GRIN2B: variants seen among roughly 807,000 people sequenced by gnomAD.
The protein encoded by GRIN2B is glutamate ionotropic receptor NMDA type subunit 2B.
A neutral mutation model predicts 114.5 loss-of-function variants in GRIN2B; 5 were observed. The ratio of observed to expected loss-of-function variants is 0.04; its 90% CI spans 0.02 to 0.09. The LOEUF (loss-of-function observed/expected upper bound fraction) is 0.09. Ranked by LOEUF, GRIN2B falls within the 10% of genes least tolerant of loss-of-function variation. GRIN2B has a pLI of 1.00. For missense variants in GRIN2B, 1,108 were observed against 1,943.5 expected, an observed-to-expected ratio of 0.57 and a Z score of 8.08; for synonymous variants, 787 against 745.1, an observed-to-expected ratio of 1.06 and a Z score of -0.92.
At chr12:13,953,570 C>T (rs1400993686) in intron 2 of GRIN2B, among the ~76,000 whole-genome samples, 1 of 152,150 alleles carries the variant, frequency 6.6e-6, no homozygotes, top group Admixed American at 6.5e-5. Context: ...TAGGATTTAC[C>T]AATGGAGATA....
chr12:13,816,832 C>CG (rs1864832148), intron 3 of GRIN2B, among the ~76,000 whole-genome samples: 1 of 152,078 alleles, frequency 6.6e-6, no homozygotes, highest in South Asian at 2.1e-4. Flanking sequence ...TATTGGGGAA[C>CG]GGGCTGGTAA....
chr12:13,795,390 T>C (rs897173197), intron 3 of GRIN2B, among the ~76,000 whole-genome samples: 1 of 152,044 alleles, frequency 6.6e-6, no homozygotes, highest in Non-Finnish European at 1.5e-5. Flanking sequence ...AAAAAAACGT[T>C]TTACAATTGG....
intron 4 of GRIN2B, among the ~76,000 whole-genome samples, chr12:13,684,563 A>G (rs1294476166): frequency 1.3e-5 from 2 of 152,184 alleles, no homozygotes; most frequent in Non-Finnish European, 2.9e-5. Flanking sequence ...CTTATTAGAC[A>G]ATGCTAGAAA....
intron 5 of GRIN2B, among the ~76,000 whole-genome samples, chr12:13,623,415 A>C (rs1949537029): frequency 6.6e-6 from 1 of 152,202 alleles, no homozygotes; most frequent in Non-Finnish European, 1.5e-5. Context: ...TCCTATCAGC[A>C]AAGCACAAGA....
chr12:13,974,969 G>C (rs1472054462), intron 2 of GRIN2B, among the ~76,000 whole-genome samples: 1 of 152,228 alleles, frequency 6.6e-6, no homozygotes, highest in African/African-American at 2.4e-5. Flanking sequence ...AATCAGTTAT[G>C]AGAAGCATCA....
intron 3 of GRIN2B, among the ~76,000 whole-genome samples, chr12:13,815,470 ATTT>A (rs777349539): frequency 2.6e-4 from 39 of 152,148 alleles, no homozygotes; most frequent in Non-Finnish European, 5.7e-4. Flanking sequence ...GCAGAAAATG[ATTT>A]AAAATGATAA....
intron 2 of GRIN2B, among the ~76,000 whole-genome samples, chr12:13,976,073 A>C (rs1863012753): frequency 6.6e-6 from 1 of 152,248 alleles, no homozygotes; most frequent in South Asian, 2.1e-4. Context: ...TAATGGCCGC[A>C]GGCACCATTA....
At chr12:13,811,181 A>G (rs1468626802) in intron 3 of GRIN2B, among the ~76,000 whole-genome samples, 1 of 152,244 alleles carries the variant, frequency 6.6e-6, no homozygotes, top group African/African-American at 2.4e-5. Context: ...TAGAGTTGGC[A>G]GTATGAAAAC....
At chr12:13,643,651 A>G (rs943593491) in intron 5 of GRIN2B, among the ~76,000 whole-genome samples, 8 of 152,178 alleles carry the variant, frequency 5.3e-5, no homozygotes, top group Non-Finnish European at 1.2e-4. Flanking sequence ...ATAGCATTTT[A>G]CCCACAACAG....
intron 2 of GRIN2B, among the ~76,000 whole-genome samples, chr12:13,914,471 G>A (rs1440920302): frequency 6.6e-6 from 1 of 152,192 alleles, no homozygotes; most frequent in Admixed American, 6.5e-5. Flanking sequence ...CACTGTGGGT[G>A]AGAATGTAAA....
intron 2 of GRIN2B, among the ~76,000 whole-genome samples, chr12:13,888,248 C>G (rs1481456480): frequency 6.6e-6 from 1 of 152,130 alleles, no homozygotes; most frequent in Non-Finnish European, 1.5e-5. Flanking sequence ...TGCACTTCCA[C>G]AAGCCAAGTT....
intron 3 of GRIN2B, among the ~76,000 whole-genome samples, chr12:13,789,299 A>G (rs976992673): frequency 2.0e-5 from 3 of 152,248 alleles, no homozygotes; most frequent in African/African-American, 7.2e-5. Context: ...TTAAGAGGCA[A>G]TAACTGCAAA....
At chr12:13,975,063 A>T (rs769894802) in intron 2 of GRIN2B, among the ~76,000 whole-genome samples, 1 of 152,156 alleles carries the variant, frequency 6.6e-6, no homozygotes, top group Non-Finnish European at 1.5e-5. Flanking sequence ...AGATGGGTGA[A>T]CTTAAATATA....
rs185823156 is a variant in GRIN2B at position 13,826,558 on chromosome 12, C to T, written c.411+39240G>A. 2.0e-4 allele frequency among the ~76,000 whole-genome samples: 31 copies of T among 152,212 alleles called. 1 individual carries two copies. Among genetic ancestry groups the T allele is most frequent in the Admixed American group, 1.8e-3 (28 of 15,294 alleles). ...TTCACCCCTCCCCTCATTCTTAGGG[C>T]TACTTATGGCTGTTTTTAATATTTT... is the stretch of plus-strand genomic sequence containing the variant. On this transcript the variant is annotated intron_variant, in intron 3 of 13. Transcript: ENST00000609686.
intron 3 of GRIN2B, among the ~76,000 whole-genome samples, chr12:13,801,501 G>C (rs529993542): frequency 6.6e-6 from 1 of 152,252 alleles, no homozygotes; most frequent in East Asian, 1.9e-4. Context: ...AGAGAAACTT[G>C]TACTGTCCCA....
intron 2 of GRIN2B, among the ~76,000 whole-genome samples, chr12:13,930,558 T>C (rs1024912936): frequency 6.6e-6 from 1 of 152,222 alleles, no homozygotes; most frequent in African/African-American, 2.4e-5. Flanking sequence ...ACCATTAATC[T>C]GTGTTTAAAA....
intron 13 of GRIN2B, among the ~76,000 whole-genome samples, chr12:13,565,962 T>C (rs1948633917): frequency 6.6e-6 from 1 of 152,134 alleles, no homozygotes; most frequent in Admixed American, 6.5e-5. Flanking sequence ...CAAAGGATTA[T>C]AAATGGGGTT....
chr12:13,633,949 G>A (rs1949641307), intron 5 of GRIN2B, among the ~76,000 whole-genome samples: 1 of 152,048 alleles, frequency 6.6e-6, no homozygotes, highest in African/African-American at 2.4e-5. Context: ...GAAGAGCTGG[G>A]TCACAGCAGA....
intron 3 of GRIN2B, among the ~76,000 whole-genome samples, chr12:13,838,673 G>A (rs569053644): frequency 6.6e-6 from 1 of 152,206 alleles, no homozygotes; most frequent in East Asian, 1.9e-4. Context: ...CATTCCATCA[G>A]CAGTCACTGA....
Sources: gnomAD v4.1 joint callset for allele counts (sites outside exome capture counted in the v4.1 genomes callset) on GRCh38, gnomAD v4.1.1 for gene constraint, MANE v1.5 for transcripts, NCBI Gene and HGNC (gene_info 2026-07-23, HGNC 2026-07-21) for gene names.